Variants in RNF223 observed in about 807,000 individuals in gnomAD.
RNF223 encodes ring finger protein 223.
A neutral mutation model predicts 13.9 loss-of-function variants in RNF223; 10 were observed. The ratio of observed to expected loss-of-function variants is 0.72; its 90% CI spans 0.44 to 1.22. The LOEUF (loss-of-function observed/expected upper bound fraction) is 1.22. RNF223 is among the 50% of genes most tolerant of loss of function. The pLI, the probability that RNF223 is intolerant of heterozygous loss-of-function variation, is 0.00. For missense variants in RNF223, 379 were observed against 380.0 expected, an observed-to-expected ratio of 1.00 and a Z score of 0.02; for synonymous variants, 168 against 173.3, an observed-to-expected ratio of 0.97 and a Z score of 0.24.
Position 1,071,951 on chromosome 1 carries a change from T to G in RNF223, c.616A>C (p.Met206Leu), listed in dbSNP as rs1328244430. 1 of 1,533,820 alleles carries G rather than the reference T, an allele frequency of 6.5e-7. No individual in the cohort carries two copies. Among genetic ancestry groups the G allele is most frequent in the Admixed American group, 2.0e-5 (1 of 50,904 alleles). ...GGCCAGAGTGCCACACAGAAGAGCA[T>G]CAGCAGCAGGGCAGAGACCAGTGCC... ...RMALVSALLLMLFCVALWPVQ... is the reference protein window; with the variant it reads ...RMALVSALLLLLFCVALWPVQ... The change falls in exon 2 of 2, where the codon ATG becomes CTG. Residue 206 changes from methionine (M) to leucine (L), a missense_variant. Met to Leu is a conservative substitution (Grantham distance 15, BLOSUM62 2). Transcript: ENST00000453464.
Position 1,071,561 on chromosome 1 carries a change from C to T in RNF223, c.*256G>A, listed in dbSNP as rs763143137. 14 of 422,462 alleles carry T rather than the reference C, an allele frequency of 3.3e-5. No individual in the cohort carries two copies. The highest frequency in any genetic ancestry group is 5.9e-4 in the Middle Eastern group (1 of 1,702). 26.2% of individuals were successfully genotyped at this position (422,462 alleles called of 1,614,324 possible). ...GATGACAGGCGTGAGCCACCGCGCCCGGTGAGACTGTGGTTCTTGGAGGCT... is the reference window on the plus strand; with the variant it reads ...GATGACAGGCGTGAGCCACCGCGCCTGGTGAGACTGTGGTTCTTGGAGGCT... On this transcript the variant is annotated 3_prime_UTR_variant, in exon 2 of 2. Coordinates refer to ENST00000453464, the MANE Select transcript of RNF223 (RefSeq NM_001205252.2).
Position 1,071,858 on chromosome 1 carries a change from T to C in RNF223, c.709A>G (p.Ser237Gly). 6.8e-7 allele frequency: 1 copy of C among 1,472,168 alleles called. No homozygotes were observed. The highest frequency in any genetic ancestry group is 1.2e-5 in the South Asian group (1 of 81,092). 91.2% of individuals were successfully genotyped at this position (1,472,168 alleles called of 1,614,324 possible). A position where few individuals can be genotyped will look rare whatever the true frequency, so the allele number is the denominator to read the frequency against. Residue 237 changes from serine to glycine, a missense_variant, in exon 2 of 2, where the codon AGC becomes GGC. Coordinates refer to ENST00000453464, the MANE Select transcript of RNF223 (RefSeq NM_001205252.2). Reference sequence around the variant, plus strand: ...GGCCCGAGGGGGGAGGCGGCTGTGCTGGTGGCCGGGGGCCGGGGGGGCAGG... The same window carrying C: ...GGCCCGAGGGGGGAGGCGGCTGTGCCGGTGGCCGGGGGCCGGGGGGGCAGG... ...LPLPPRPPAT[S>G]TAASPLGPLT... is the part of the protein sequence containing the mutation.
chr1:1,072,162 C>G lies in RNF223; in HGVS notation c.405G>C (p.Val135=). Residue 135 remains valine (V), a synonymous_variant, in exon 2 of 2, where the codon GTG becomes GTC. Coordinates refer to ENST00000453464, the MANE Select transcript of RNF223 (RefSeq NM_001205252.2). The part of the protein sequence containing the change: ...MPAHLRREEP[V]WLEGTKLCCQ... ...AGCACAGCTTGGTGCCCTCCAGCCA[C>G]ACAGGCTCCTCACGCCGCAAATGCG... 6.6e-7 allele frequency: 1 copy of G among 1,513,700 alleles called. No individual in the cohort carries two copies. Among genetic ancestry groups the G allele is most frequent in the Non-Finnish European group, 8.8e-7 (1 of 1,137,936 alleles). The allele number at this position is 1,513,700 out of a possible 1,614,324, so 93.8% of individuals were successfully genotyped here.
chr1:1,072,231 G>A lies in RNF223; in HGVS notation c.336C>T (p.Ala112=), dbSNP rs912097902. Residue 112 remains alanine (A), a synonymous_variant, in exon 2 of 2, where the codon GCC becomes GCT. Coordinates refer to ENST00000453464, the MANE Select transcript of RNF223 (RefSeq NM_001205252.2). ...RQPTAVPPAG[A]PALCTSRQLQ... ...GCTGGCGGCTGGTGCACAGCGCGGG[G>A]GCTCCGGCGGGCGGCACGGCCGTGG... The A allele has an allele frequency of 9.3e-5, 135 of 1,457,332 alleles. No individual in the cohort carries two copies. Among genetic ancestry groups the A allele is most frequent in the Middle Eastern group, 3.7e-4 (2 of 5,426 alleles). 90.3% of individuals were successfully genotyped at this position (1,457,332 alleles called of 1,614,324 possible). A position where few individuals can be genotyped will look rare whatever the true frequency, so the allele number is the denominator to read the frequency against.
chr1:1,072,834 AG>A (rs974362532), intron 1 of RNF223, among the ~76,000 whole-genome samples: 9 of 152,110 alleles, frequency 5.9e-5, no homozygotes, highest in Non-Finnish European at 1.0e-4. Flanking sequence ...GGCCGTGTGT[AG>A]GGGGGTCTCA....
Position 1,071,541 on chromosome 1 carries a change from C to T in RNF223, c.*276G>A. 1 of 362,518 alleles carries T rather than the reference C, an allele frequency of 2.8e-6. No homozygotes were observed. Among genetic ancestry groups the T allele is most frequent in the South Asian group, 6.5e-5 (1 of 15,294 alleles). 22.5% of individuals were successfully genotyped at this position (362,518 alleles called of 1,614,324 possible). A position where few individuals can be genotyped will look rare whatever the true frequency, so the allele number is the denominator to read the frequency against. On this transcript the variant is annotated 3_prime_UTR_variant, in exon 2 of 2. Coordinates refer to ENST00000453464, the MANE Select transcript of RNF223 (RefSeq NM_001205252.2). The stretch of plus-strand genomic sequence containing the variant: ...TCAGCCCTCCAGAGTGCTGAGATGA[C>T]AGGCGTGAGCCACCGCGCCCGGTGA...
Position 1,071,948 on chromosome 1 carries a change from G to A in RNF223, c.619C>T (p.Leu207Phe), listed in dbSNP as rs1439188521. Reference sequence around the variant, plus strand: ...ACCGGCCAGAGTGCCACACAGAAGAGCATCAGCAGCAGGGCAGAGACCAGT... The same window carrying A: ...ACCGGCCAGAGTGCCACACAGAAGAACATCAGCAGCAGGGCAGAGACCAGT... ...MALVSALLLM[L>F]FCVALWPVQC... The change falls in exon 2 of 2, where the codon CTC becomes TTC. Residue 207 changes from leucine to phenylalanine, a missense_variant. Leu to Phe is a conservative substitution (Grantham distance 22). Transcript: ENST00000453464. 1 of 1,533,958 alleles carries A rather than the reference G, an allele frequency of 6.5e-7. No homozygotes were observed. Among genetic ancestry groups the A allele is most frequent in the Non-Finnish European group, 8.7e-7 (1 of 1,146,012 alleles).
chr1:1,072,857 G>A (rs1426939531), intron 1 of RNF223, among the ~76,000 whole-genome samples: 1 of 152,222 alleles, frequency 6.6e-6, no homozygotes, highest in Non-Finnish European at 1.5e-5. Flanking sequence ...TGACCGCTCG[G>A]CAGACACCTC....
In RNF223 at chr1:1,071,990, C is replaced by A. The variant is rs1204787828; in HGVS notation, c.577G>T (p.Asp193Tyr). The A allele has an allele frequency of 6.6e-7, 1 of 1,514,932 alleles. No homozygotes were observed. The highest frequency in any genetic ancestry group is 1.2e-5 in the South Asian group (1 of 81,098). 93.8% of individuals were successfully genotyped at this position (1,514,932 alleles called of 1,614,324 possible). A position where few individuals can be genotyped will look rare whatever the true frequency, so the allele number is the denominator to read the frequency against. Reference sequence around the variant, plus strand: ...GAGACCAGTGCCATGCGCCTCCAGTCCCTGCAGCGCGCCCAGCAGCGGGCC... The same window carrying A: ...GAGACCAGTGCCATGCGCCTCCAGTACCTGCAGCGCGCCCAGCAGCGGGCC... ...RLARCWARCR[D>Y]WRRMALVSAL... Residue 193 changes from aspartate to tyrosine, a missense_variant, in exon 2 of 2, where the codon GAC becomes TAC. Asp to Tyr is a radical substitution (Grantham distance 160). Transcript: ENST00000453464.
At chr1:1,072,612 G>A (rs1383869048) in intron 1 of RNF223, 37 bp from the exon 2 acceptor site, 17 of 1,421,286 alleles carry the variant, frequency 1.2e-5, no homozygotes, top group African/African-American at 3.0e-5. Context: ...ATCACCGGCC[G>A]CCCCTTTCTG....
At chr1:1,073,020 C>A in intron 1 of RNF223, among the ~76,000 whole-genome samples, 1 of 152,362 alleles carries the variant, frequency 6.6e-6, no homozygotes, top group East Asian at 1.9e-4. Flanking sequence ...TGGAAAAGGC[C>A]GCCCAGAGCA....
Position 1,071,840 on chromosome 1 carries a change from G to C in RNF223, c.727C>G (p.Leu243Val), listed in dbSNP as rs763426781. 2.0e-6 allele frequency: 3 copies of C among 1,519,218 alleles called. No individual in the cohort carries two copies. Among genetic ancestry groups the C allele is most frequent in the East Asian group, 5.0e-5 (2 of 40,270 alleles). 94.1% of individuals were successfully genotyped at this position (1,519,218 alleles called of 1,614,324 possible). The change falls in exon 2 of 2, where the codon CTC becomes GTC. Residue 243 changes from leucine to valine, a missense_variant. Leu to Val is a conservative substitution (Grantham distance 32). Coordinates refer to ENST00000453464, the MANE Select transcript of RNF223 (RefSeq NM_001205252.2). The stretch of plus-strand genomic sequence containing the variant: ...CCCTAATTATCAGTCAGAGGCCCGA[G>C]GGGGGAGGCGGCTGTGCTGGTGGCC... Reference protein sequence around the residue: ...PPATSTAASPLGPLTDN With the variant: ...PPATSTAASPVGPLTDN
chr1:1,072,862 C>T (rs1645652956), intron 1 of RNF223, among the ~76,000 whole-genome samples: 1 of 152,234 alleles, frequency 6.6e-6, no homozygotes, highest in Admixed American at 6.5e-5. Flanking sequence ...GCTCGGCAGA[C>T]ACCTCCTGTT....
rs1447448330 is a variant in RNF223 at position 1,072,299 on chromosome 1, G to A, written c.268C>T (p.Arg90Cys). The change falls in exon 2 of 2, where the codon CGC becomes TGC. Residue 90 changes from arginine (R) to cysteine (C), a missense_variant. Physicochemically the swap from Arg to Cys is radical, Grantham distance 180 (BLOSUM62 -3). Transcript: ENST00000453464. The part of the protein sequence containing the change: ...ARLAAAQPVG[R>C]PGGEAVPCPF... ...CAAGGTACAGCCTCACCACCGGGGCGGCCCACAGGCTGAGCAGCCGCCAGC... is the reference window on the plus strand; with the variant it reads ...CAAGGTACAGCCTCACCACCGGGGCAGCCCACAGGCTGAGCAGCCGCCAGC... 36 of 1,442,760 alleles carry A rather than the reference G, an allele frequency of 2.5e-5. No homozygotes were observed. The highest frequency in any genetic ancestry group is 4.4e-5 in the African/African-American group (3 of 68,808). The allele number at this position is 1,442,760 out of a possible 1,614,324, so 89.4% of individuals were successfully genotyped here.
intron 1 of RNF223, among the ~76,000 whole-genome samples, chr1:1,073,307 G>A (rs1432305158): frequency 6.6e-6 from 1 of 152,226 alleles, no homozygotes; most frequent in Non-Finnish European, 1.5e-5. Context: ...GCCCGAGGAA[G>A]GTGCACGTCA....
intron 1 of RNF223, among the ~76,000 whole-genome samples, chr1:1,073,282 G>A (rs1382266086): frequency 6.6e-6 from 1 of 152,254 alleles, no homozygotes; most frequent in East Asian, 1.9e-4. Context: ...GGCCCAGGCA[G>A]GGGCAGGGGT....
rs1160037624 is a variant in RNF223, at chr1:1,071,672, C to G, written c.*145G>C. ...TAAATGGAGCCTGGTCTTGGTGGGG[C>G]CCCGGTGGAGTCCTCAGAGATGCCA... is the stretch of plus-strand genomic sequence containing the variant. On this transcript the variant is annotated 3_prime_UTR_variant, in exon 2 of 2. Coordinates refer to ENST00000453464, the MANE Select transcript of RNF223 (RefSeq NM_001205252.2). The G allele has an allele frequency of 1.5e-6, 1 of 658,570 alleles. No individual in the cohort carries two copies. Among genetic ancestry groups the G allele is most frequent in the Non-Finnish European group, 2.4e-6 (1 of 415,176 alleles). The allele number at this position is 658,570 out of a possible 1,614,324, so 40.8% of individuals were successfully genotyped here.
rs548223167 is a variant in RNF223, at chr1:1,071,843, G to A, written c.724C>T (p.Pro242Ser). ...TAATTATCAGTCAGAGGCCCGAGGG[G>A]GGAGGCGGCTGTGCTGGTGGCCGGG... is the stretch of plus-strand genomic sequence containing the variant. ...RPPATSTAAS[P>S]LGPLTDN The change falls in exon 2 of 2, where the codon CCC becomes TCC. Residue 242 changes from proline to serine, a missense_variant. Pro to Ser is a moderately conservative substitution (Grantham distance 74, BLOSUM62 -1). Transcript: ENST00000453464. The A allele has an allele frequency of 1.3e-6, 2 of 1,522,964 alleles. No individual in the cohort carries two copies. The highest frequency in any genetic ancestry group is 1.8e-6 in the Non-Finnish European group (2 of 1,140,976). 94.3% of individuals were successfully genotyped at this position (1,522,964 alleles called of 1,614,324 possible).
chr1:1,072,557 C>G lies in RNF223; in HGVS notation c.10G>C (p.Gly4Arg), dbSNP rs1645650794. The G allele has an allele frequency of 6.6e-7, 1 of 1,524,464 alleles. No individual in the cohort carries two copies. Among genetic ancestry groups the G allele is most frequent in the Middle Eastern group, 1.7e-4 (1 of 5,924 alleles). 94.4% of individuals were successfully genotyped at this position (1,524,464 alleles called of 1,614,324 possible). Residue 4 changes from glycine to arginine, a missense_variant, in exon 2 of 2, where the codon GGC becomes CGC. Transcript: ENST00000453464. MSS[G>R]QQVWHTAVPP... is the part of the protein sequence containing the mutation. ...ACAGCCGTGTGCCACACCTGCTGGCCTGACGACATGTCTCTGAGCTGTGGG... is the reference window on the plus strand; with the variant it reads ...ACAGCCGTGTGCCACACCTGCTGGCGTGACGACATGTCTCTGAGCTGTGGG...
Sources: allele counts gnomAD v4.1 joint callset (sites outside exome capture counted in the v4.1 genomes callset), GRCh38; gene constraint gnomAD v4.1.1; transcripts MANE v1.5; gene names NCBI Gene and HGNC (gene_info 2026-07-23, HGNC 2026-07-21).